SPEF2: variants seen among roughly 807,000 people sequenced by gnomAD.
SPEF2 encodes sperm flagellar and cilia associated 2.
A neutral mutation model predicts 224.6 loss-of-function variants in SPEF2; 187 were observed. That is an observed-to-expected ratio of 0.83 (90% CI 0.74 to 0.94). The LOEUF (loss-of-function observed/expected upper bound fraction) is 0.94, where lower values mean the gene tolerates loss of function less well. SPEF2 is among the 40% of genes least tolerant of loss of function. The pLI is 0.00. For synonymous variants in SPEF2, 715 were observed against 707.3 expected (o/e 1.01, Z -0.17); for missense variants, 2,170 against 2,135.6 (o/e 1.02, Z -0.32).
Position 35,700,766 on chromosome 5 carries a change from CT to C in SPEF2, c.2398+20del, listed in dbSNP as rs773891079. 7 of 1,610,580 alleles carry C rather than the reference CT, an allele frequency of 4.3e-6. No individual in the cohort carries two copies. The Admixed American group carries it at 6.7e-5, about 15-fold the overall frequency. ...ATGATATTATAGGTAAGCTGGACAC[CT>C]TTTTTGACACTCTTTTTACAATGAA... On this transcript the variant is annotated intron_variant, in intron 16 of 36. Transcript: ENST00000356031.
At position 35,792,357 on chromosome 5, in the gene SPEF2, G is replaced by T; in HGVS notation, c.4465G>T (p.Ala1489Ser). ...TATTATAGGCATAATAGGAAATAAA[G>T]CATTTACTGACATTCTGATCGATTT... ...MAPKGIIGNK[A>S]FTDILIDLVT... The change falls in exon 31 of 37, where the codon GCA (alanine) becomes TCA (serine). Residue 1489 changes from alanine to serine, a missense_variant. Coordinates refer to ENST00000356031, the MANE Select transcript of SPEF2 (RefSeq NM_024867.4). The T allele has an allele frequency of 6.2e-7, 1 of 1,613,436 alleles. No homozygotes were observed. The highest frequency in any genetic ancestry group is 8.5e-7 in the Non-Finnish European group (1 of 1,179,652).
chr5:35,649,962 G>T (rs1747945302), intron 6 of SPEF2, among the ~76,000 whole-genome samples: 1 of 152,202 alleles, frequency 6.6e-6, no homozygotes, highest in African/African-American at 2.4e-5. Context: ...TCTATGAGAG[G>T]TCATTGATTC....
intron 24 of SPEF2, among the ~76,000 whole-genome samples, chr5:35,753,991 A>C (rs1580596248): frequency 6.6e-6 from 1 of 152,140 alleles, no homozygotes; most frequent in Non-Finnish European, 1.5e-5. Flanking sequence ...ACTACCCACC[A>C]GCTTTGCTCC....
intron 10 of SPEF2, among the ~76,000 whole-genome samples, chr5:35,681,750 G>T (rs1349746575): frequency 3.3e-5 from 5 of 152,126 alleles, no homozygotes; most frequent in African/African-American, 1.2e-4. Flanking sequence ...TCACAATGTA[G>T]AATGCATTTT....
rs564196463 is a variant in SPEF2, at chr5:35,813,411, G to C, written c.5380-1053G>C. ...GAAAACTGAGGTGGGAGGATTTCTT[G>C]AGCCTTGGAGATTGAGGCTGCAGTG... On this transcript the variant is annotated intron_variant, in intron 36 of 36. Coordinates refer to ENST00000356031, the MANE Select transcript of SPEF2 (RefSeq NM_024867.4). Among the ~76,000 whole-genome samples, 391 of 152,258 alleles carry C rather than the reference G, an allele frequency of 2.6e-3. 1 individual carries two copies. Among genetic ancestry groups the C allele is most frequent in the African/African-American group, 9.0e-3 (372 of 41,562 alleles).
At chr5:35,648,785 G>A (rs542675830) in intron 5 of SPEF2, among the ~76,000 whole-genome samples, 3 of 152,180 alleles carry the variant, frequency 2.0e-5, no homozygotes, top group South Asian at 4.2e-4. Flanking sequence ...AGGCCGAGGC[G>A]GGAGGATCAC....
intron 29 of SPEF2, among the ~76,000 whole-genome samples, chr5:35,777,910 CA>C (rs1050955376): frequency 6.6e-6 from 1 of 152,030 alleles, no homozygotes; most frequent in African/African-American, 2.4e-5. Flanking sequence ...GGTCTCAATC[CA>C]CATTTGGAGT....
intron 13 of SPEF2, 60 bp downstream of exon 13, chr5:35,694,423 A>G: frequency 7.0e-7 from 1 of 1,422,968 alleles, no homozygotes. Context: ...ATGAGAGCAC[A>G]TATATGTGAG....
intron 26 of SPEF2, among the ~76,000 whole-genome samples, 194 bp from the exon 27 acceptor site, chr5:35,771,415 G>A (rs1486642547): frequency 1.3e-5 from 2 of 152,190 alleles, no homozygotes; most frequent in African/African-American, 2.4e-5. Context: ...TGGAAGGGAA[G>A]CCGCATCTTG....
rs771777359 is a variant in SPEF2 at position 35,763,504 on chromosome 5, CTTGT to C, written c.3621-11_3621-8del. 6.5e-7 allele frequency: 1 copy of C among 1,526,878 alleles called. No homozygotes were observed. The highest frequency in any genetic ancestry group is 1.8e-4 in the Middle Eastern group (1 of 5,662). The allele number at this position is 1,526,878 out of a possible 1,614,324, so 94.6% of individuals were successfully genotyped here. A position where few individuals can be genotyped will look rare whatever the true frequency, so the allele number is the denominator to read the frequency against. ...TAAGCAAAATTTTTTATCCTTTTTG[CTTGT>C]TTGTTTCTCAAAGAATTCCTCTAGT... On this transcript the variant is annotated splice_polypyrimidine_tract_variant and intron_variant, in intron 25 of 36. Transcript: ENST00000356031.
chr5:35,783,074 C>A (rs1754570025), intron 30 of SPEF2, among the ~76,000 whole-genome samples: 1 of 152,166 alleles, frequency 6.6e-6, no homozygotes, highest in African/African-American at 2.4e-5. Context: ...AGAAAGCAAA[C>A]CATTCTTTCC....
At chr5:35,783,708 G>C (rs11954524) in intron 30 of SPEF2, among the ~76,000 whole-genome samples, 7,071 of 152,090 alleles carry the variant, frequency 0.046, 466 homozygotes, top group African/African-American at 0.14. Flanking sequence ...TGGTTTCCTA[G>C]GGAGTACAAG....
intron 36 of SPEF2, chr5:35,807,796 A>G: frequency 6.5e-7 from 1 of 1,535,418 alleles, no homozygotes; most frequent in Non-Finnish European, 8.7e-7. Flanking sequence ...CTCAGAAATC[A>G]CATAACCACC....
chr5:35,649,320 G>C (rs201449206), intron 5 of SPEF2, 41 bp from the exon 6 acceptor site: 1 of 1,527,756 alleles, frequency 6.5e-7, no homozygotes, highest in African/African-American at 1.4e-5. Flanking sequence ...TTTTTCAATG[G>C]TTTTTAGAGG....
intron 34 of SPEF2, 90 bp from the exon 35 acceptor site, chr5:35,806,617 G>A: frequency 4.7e-6 from 7 of 1,474,704 alleles, no homozygotes; most frequent in Middle Eastern, 1.8e-4. Context: ...CATGAAAAGT[G>A]TGTGATTATG....
chr5:35,724,397 A>G (rs559364896), intron 20 of SPEF2, among the ~76,000 whole-genome samples: 3 of 152,274 alleles, frequency 2.0e-5, no homozygotes, highest in African/African-American at 7.2e-5. Flanking sequence ...TTTACCAGAA[A>G]TTTTCCAAAA....
intron 30 of SPEF2, chr5:35,788,598 T>C (rs1398156696): frequency 2.4e-5 from 17 of 702,794 alleles, no homozygotes; most frequent in Non-Finnish European, 4.2e-5. Flanking sequence ...AAAAATGCCA[T>C]TGAGAAAACT....
chr5:35,773,880 A>G lies in SPEF2; in HGVS notation c.3950-13A>G. ...TTTGTTAGTTTACTCAGCATGTTTC[A>G]TTGCCCTTTCAGGTAAATCACCACC... On this transcript the variant is annotated splice_polypyrimidine_tract_variant and intron_variant, in intron 27 of 36. Coordinates refer to ENST00000356031, the MANE Select transcript of SPEF2 (RefSeq NM_024867.4). 6.2e-7 allele frequency: 1 copy of G among 1,609,426 alleles called. No homozygotes were observed. Among genetic ancestry groups the G allele is most frequent in the Non-Finnish European group, 8.5e-7 (1 of 1,178,202 alleles).
chr5:35,813,154 A>G (rs1043847292), intron 36 of SPEF2, among the ~76,000 whole-genome samples: 6 of 152,182 alleles, frequency 3.9e-5, no homozygotes, highest in African/African-American at 1.4e-4. Context: ...TATTAAAATG[A>G]CATTAGTTAT....
Sources: gnomAD v4.1 joint callset for allele counts (sites outside exome capture counted in the v4.1 genomes callset) on GRCh38, gnomAD v4.1.1 for gene constraint, MANE v1.5 for transcripts, NCBI Gene and HGNC (gene_info 2026-07-23, HGNC 2026-07-21) for gene names.